The following FRYL variants were observed in gnomAD, a reference collection of about 807,000 sequenced individuals.
The protein encoded by FRYL is FRY like transcription coactivator.
Under a neutral mutation model 351.2 loss-of-function variants are expected in FRYL, and 150 were observed. The ratio of observed to expected loss-of-function variants is 0.43; its 90% CI spans 0.37 to 0.49. The LOEUF (loss-of-function observed/expected upper bound fraction) is 0.49. Ranked by LOEUF, FRYL falls within the 20% of genes least tolerant of loss-of-function variation. The pLI is 0.00. For synonymous variants in FRYL, 1,153 were observed against 1,257.1 expected (o/e 0.92, Z 1.75); for missense variants, 3,036 against 3,619.3 (o/e 0.84, Z 4.13).
chr4:48,642,608 A>G (rs187300688), intron 3 of FRYL, among the ~76,000 whole-genome samples: 2 of 152,274 alleles, frequency 1.3e-5, no homozygotes, highest in East Asian at 1.9e-4. Flanking sequence ...GTTTCTAAAC[A>G]TAGAAGTCCT....
chr4:48,631,011 A>G (rs1752855921), intron 4 of FRYL, among the ~76,000 whole-genome samples: 1 of 152,210 alleles, frequency 6.6e-6, no homozygotes, highest in Non-Finnish European at 1.5e-5. Flanking sequence ...TTGAAGCTAT[A>G]TTGTAAAAAC....
chr4:48,651,773 C>T (rs565904636), intron 3 of FRYL, among the ~76,000 whole-genome samples: 3 of 152,234 alleles, frequency 2.0e-5, no homozygotes, highest in Non-Finnish European at 4.4e-5. Flanking sequence ...TAACCCCTCC[C>T]CCTATGAGTT....
chr4:48,675,171 G>A (rs1763387146), intron 3 of FRYL, among the ~76,000 whole-genome samples: 1 of 152,210 alleles, frequency 6.6e-6, no homozygotes, highest in South Asian at 2.1e-4. Context: ...AGAGGTGACA[G>A]CGCGCTGGCA....
At chr4:48,713,058 CT>C (rs1481105870) in intron 1 of FRYL, among the ~76,000 whole-genome samples, 2 of 151,952 alleles carry the variant, frequency 1.3e-5, no homozygotes, top group Non-Finnish European at 2.9e-5. Flanking sequence ...CAGGCCTGCC[CT>C]AGAAGAGCTC....
chr4:48,724,647 T>C (rs144716096), intron 1 of FRYL, among the ~76,000 whole-genome samples: 2 of 152,320 alleles, frequency 1.3e-5, no homozygotes, highest in African/African-American at 2.4e-5. Flanking sequence ...TCAATAAACA[T>C]TTGTTGATTA....
intron 1 of FRYL, among the ~76,000 whole-genome samples, chr4:48,775,951 A>G (rs1157674739): frequency 2.0e-5 from 3 of 152,062 alleles, no homozygotes; most frequent in African/African-American, 7.2e-5. Context: ...GTATATAAAA[A>G]ATGATTAGTT....
chr4:48,532,799 T>C (rs1665731938), intron 49 of FRYL, among the ~76,000 whole-genome samples: 3 of 152,252 alleles, frequency 2.0e-5, no homozygotes, highest in African/African-American at 7.2e-5. Context: ...TCATAAATTA[T>C]ATTGCTGGTT....
intron 23 of FRYL, among the ~76,000 whole-genome samples, chr4:48,577,947 T>C (rs1261248888): frequency 1.3e-5 from 2 of 150,930 alleles, no homozygotes; most frequent in African/African-American, 2.4e-5. Flanking sequence ...AGAACATATA[T>C]ATACAATTAG....
intron 23 of FRYL, among the ~76,000 whole-genome samples, chr4:48,577,153 T>C (rs537107003): frequency 6.6e-6 from 1 of 152,344 alleles, no homozygotes; most frequent in African/African-American, 2.4e-5. Context: ...AATTATTTTC[T>C]TAGGTAATTC....
At chr4:48,656,728 C>CTCTA (rs1759293481) in intron 3 of FRYL, among the ~76,000 whole-genome samples, 2 of 144,946 alleles carry the variant, frequency 1.4e-5, no homozygotes, top group Non-Finnish European at 3.0e-5. Flanking sequence ...ATATGACTGA[C>CTCTA]TATATATATA....
At chr4:48,540,192 T>A in intron 46 of FRYL, 124 bp from the exon 47 acceptor site, 2 of 1,147,152 alleles carry the variant, frequency 1.7e-6, no homozygotes, top group Non-Finnish European at 2.4e-6. Context: ...TATTCGATCT[T>A]CTAATTCTTT....
Position 48,498,343 on chromosome 4 carries a change from G to A in FRYL, c.*1079C>T, listed in dbSNP as rs1325341613. On this transcript the variant is annotated 3_prime_UTR_variant, in exon 64 of 64. Coordinates refer to ENST00000358350, the MANE Select transcript of FRYL (RefSeq NM_015030.2). ...GCAAGTCATATATTCCATCATCAAT[G>A]ACCACAATTTTTCTTTAGCTTTGTA... 2 of 152,126 alleles carry A rather than the reference G, an allele frequency of 1.3e-5. No homozygotes were observed. The highest frequency in any genetic ancestry group is 2.9e-5 in the Non-Finnish European group (2 of 68,020). The allele number at this position is 152,126 out of a possible 1,614,324, so 9.4% of individuals were successfully genotyped here. A position where few individuals can be genotyped will look rare whatever the true frequency, so the allele number is the denominator to read the frequency against.
At chr4:48,765,293 C>A (rs1774834544) in intron 1 of FRYL, among the ~76,000 whole-genome samples, 1 of 152,110 alleles carries the variant, frequency 6.6e-6, no homozygotes, top group Non-Finnish European at 1.5e-5. Flanking sequence ...ATAGGATTGG[C>A]ATAAAAACAG....
At position 48,724,396 on chromosome 4, in the gene FRYL, C is replaced by T. The variant is rs181209889; in HGVS notation, c.-383-13698G>A. Among the ~76,000 whole-genome samples the T allele has an allele frequency of 2.6e-5, 4 of 152,272 alleles. No individual in the cohort carries two copies. In the East Asian group the frequency reaches 7.7e-4, roughly 29 times the overall value. On this transcript the variant is annotated intron_variant, in intron 1 of 63. Transcript: ENST00000358350. ...TTTTCCCCTGGGCATGGCTTGCTCCCTCCCTTTGTTCAGATCATTGCAAAT... is the reference window on the plus strand; with the variant it reads ...TTTTCCCCTGGGCATGGCTTGCTCCTTCCCTTTGTTCAGATCATTGCAAAT...
intron 55 of FRYL, among the ~76,000 whole-genome samples, chr4:48,516,289 C>T (rs760507836): frequency 1.3e-5 from 2 of 152,030 alleles, no homozygotes; most frequent in Admixed American, 6.6e-5. Context: ...TTCTATCCAC[C>T]GTAATGTTAC....
chr4:48,682,093 A>G (rs1245363317), intron 3 of FRYL, among the ~76,000 whole-genome samples: 2 of 152,228 alleles, frequency 1.3e-5, no homozygotes, highest in Non-Finnish European at 2.9e-5. Context: ...CTAAGCAATC[A>G]TATCTATAAC....
At position 48,620,674 on chromosome 4, in the gene FRYL, A is replaced by C. The variant is rs1750485837; in HGVS notation, c.279T>G (p.Tyr93Ter). ...TTGTGCTAGACCGAGGCCTATATTC[A>C]TAAGATTCATCTTCCGTTCCATTTT... ...RRQNGTEDESYEYRPRSSTKS... is the reference protein window; with the variant it reads ...RRQNGTEDES Residue 93 changes from tyrosine (Y) to a stop codon, truncating the protein, a stop_gained, in exon 6 of 64, where the codon TAT becomes TAG. Transcript: ENST00000358350. LOFTEE classifies it high-confidence loss of function. 3.7e-6 allele frequency: 6 copies of C among 1,613,954 alleles called. No individual in the cohort carries two copies. The highest frequency in any genetic ancestry group is 5.1e-6 in the Non-Finnish European group (6 of 1,179,854).
chr4:48,564,341 C>A (rs1245083982), intron 30 of FRYL, among the ~76,000 whole-genome samples: 1 of 152,232 alleles, frequency 6.6e-6, no homozygotes, highest in Admixed American at 6.5e-5. Flanking sequence ...TGTCTTCCAA[C>A]AGAGCCCTGA....
intron 3 of FRYL, among the ~76,000 whole-genome samples, chr4:48,658,356 C>A (rs935465205): frequency 1.3e-5 from 2 of 151,898 alleles, no homozygotes; most frequent in Non-Finnish European, 2.9e-5. Flanking sequence ...ATGTCAAATA[C>A]CACATCAATC....
Sources: allele counts gnomAD v4.1 joint callset (sites outside exome capture counted in the v4.1 genomes callset), GRCh38; gene constraint gnomAD v4.1.1; transcripts MANE v1.5; gene names NCBI Gene and HGNC (gene_info 2026-07-23, HGNC 2026-07-21).